DEAF1: variants seen among roughly 807,000 people sequenced by gnomAD.
The protein encoded by DEAF1 is DEAF1 transcription factor.
A neutral mutation model predicts 58.9 loss-of-function variants in DEAF1; 53 were observed. The ratio of observed to expected loss-of-function variants is 0.90; its 90% CI spans 0.72 to 1.13. The LOEUF is 1.13. DEAF1 is among the 50% of genes most tolerant of loss of function. The pLI, the probability that DEAF1 is intolerant of heterozygous loss-of-function variation, is 0.00. For synonymous variants in DEAF1, 385 were observed against 340.4 expected, an observed-to-expected ratio of 1.13 and a Z score of -1.44; for missense variants, 685 against 791.4, an observed-to-expected ratio of 0.87 and a Z score of 1.61.
chr11:679,717 G>T lies in DEAF1; in HGVS notation c.1097C>A (p.Ala366Asp). Residue 366 changes from alanine to aspartate, a missense_variant, in exon 8 of 12, where the codon GCC (alanine) becomes GAC (aspartate). By Grantham distance (126) the Ala-to-Asp change is moderately radical. Coordinates refer to ENST00000382409, the MANE Select transcript of DEAF1 (RefSeq NM_021008.4). ...EATAVISESP[A>D]QGDVFAGATV... ...GGCCCCTGCGAAGACGTCGCCCTGG[G>T]CCGGACTCTCTGATATGACAGCAGT... The T allele has an allele frequency of 6.2e-7, 1 of 1,613,456 alleles. No individual in the cohort carries two copies. The highest frequency in any genetic ancestry group is 8.5e-7 in the Non-Finnish European group (1 of 1,180,052).
At chr11:676,867 T>C (rs1230566366) in intron 9 of DEAF1, among the ~76,000 whole-genome samples, 1 of 152,124 alleles carries the variant, frequency 6.6e-6, no homozygotes, top group Non-Finnish European at 1.5e-5. Flanking sequence ...GGTTCTGCAC[T>C]GGAACTAGAG....
intron 1 of DEAF1, among the ~76,000 whole-genome samples, chr11:692,802 G>A (rs1860889925): frequency 6.6e-6 from 1 of 151,552 alleles, no homozygotes; most frequent in Non-Finnish European, 1.5e-5. Context: ...GCGGTGAGCT[G>A]AGATCACACC....
At chr11:648,265 G>A (rs554711037) in intron 11 of DEAF1, among the ~76,000 whole-genome samples, 1 of 148,250 alleles carries the variant, frequency 6.7e-6, no homozygotes, top group Non-Finnish European at 1.5e-5. Flanking sequence ...CACGATCTCG[G>A]CTCACTGCAA....
intron 1 of DEAF1, 55 bp from the exon 2 acceptor site, chr11:691,653 G>C: frequency 1.3e-6 from 2 of 1,514,182 alleles, no homozygotes; most frequent in Admixed American, 1.8e-5. Flanking sequence ...TGGACAAAGC[G>C]AACAGCCTCG....
intron 2 of DEAF1, 57 bp downstream of exon 2, chr11:691,444 C>T (rs529419459): frequency 8.5e-6 from 13 of 1,535,386 alleles, no homozygotes; most frequent in East Asian, 4.5e-5. Flanking sequence ...TCGGGGAAGC[C>T]GGAGGCCCCC....
chr11:660,577 T>C (rs935647784), intron 10 of DEAF1, among the ~76,000 whole-genome samples: 1 of 152,246 alleles, frequency 6.6e-6, no homozygotes, highest in African/African-American at 2.4e-5. Flanking sequence ...GGGGGTGCTC[T>C]GAAGAGTTCC....
chr11:651,471 G>A (rs1203489594), intron 11 of DEAF1: 4 of 287,752 alleles, frequency 1.4e-5, no homozygotes, highest in African/African-American at 7.1e-5. Context: ...AAAGAAGGAT[G>A]TTTTATAATG....
chr11:703,476 C>T (rs911611762), intron 1 of DEAF1: 5 of 1,257,532 alleles, frequency 4.0e-6, no homozygotes, highest in Non-Finnish European at 5.0e-6. Context: ...CCCCATGGGC[C>T]CCCAGGGCCG....
In DEAF1 at chr11:680,936, A is replaced by T. The variant is rs1232070410; in HGVS notation, c.997+27T>A. On this transcript the variant is annotated intron_variant, in intron 7 of 11. Transcript: ENST00000382409. ...CAATGCACTCAGGTCCCCTCAGTAA[A>T]CTAGAGCTGTGTTTTCTCAAACTCA... 4 of 1,613,964 alleles carry T rather than the reference A, an allele frequency of 2.5e-6. No homozygotes were observed. The East Asian group carries it at 8.9e-5, about 36-fold the overall frequency.
At chr11:649,645 AG>A (rs1858670845) in intron 11 of DEAF1, among the ~76,000 whole-genome samples, 1 of 150,406 alleles carries the variant, frequency 6.6e-6, no homozygotes, top group Non-Finnish European at 1.5e-5. Flanking sequence ...CCTTAAACCC[AG>A]GAGGTGGAGG....
chr11:645,825 C>T (rs1858466866), intron 11 of DEAF1, among the ~76,000 whole-genome samples: 3 of 152,174 alleles, frequency 2.0e-5, no homozygotes, highest in African/African-American at 7.2e-5. Flanking sequence ...GCTGAGACGG[C>T]CTCGTCAGAC....
chr11:660,471 C>A (rs1859271514), intron 10 of DEAF1, among the ~76,000 whole-genome samples: 1 of 152,256 alleles, frequency 6.6e-6, no homozygotes, highest in African/African-American at 2.4e-5. Context: ...CGCCGCCTCA[C>A]CCCGTCCCGG....
chr11:648,016 G>A (rs1161060842), intron 11 of DEAF1, among the ~76,000 whole-genome samples: 12 of 84,956 alleles, frequency 1.4e-4, no homozygotes, highest in Admixed American at 2.6e-4. Context: ...TGACCCAGGC[G>A]GTGCTGGGAG....
intron 10 of DEAF1, among the ~76,000 whole-genome samples, chr11:673,132 G>A (rs962681043): frequency 6.6e-6 from 1 of 151,904 alleles, no homozygotes; most frequent in African/African-American, 2.4e-5. Flanking sequence ...CTGGGTGATG[G>A]AGCGAGACTC....
Position 688,543 on chromosome 11 carries a change from C to A in DEAF1, c.388-83G>T. On this transcript the variant is annotated intron_variant, in intron 2 of 11. Transcript: ENST00000382409. The surrounding 1 kb of genome is among the most constrained non-coding windows in gnomAD (Gnocchi z 4.3). ...TGAGCCCAGCTGGGCCGTCCTCCAG[C>A]AGGGCTCTCTGGCTGTTCTCACCAA... is the stretch of plus-strand genomic sequence containing the variant. The A allele has an allele frequency of 6.4e-7, 1 of 1,571,192 alleles. No homozygotes were observed. Among genetic ancestry groups the A allele is most frequent in the Non-Finnish European group, 8.7e-7 (1 of 1,148,528 alleles).
upstream of DEAF1, chr11:699,069 G>C: frequency 1.4e-6 from 1 of 721,336 alleles, no homozygotes; most frequent in Non-Finnish European, 2.4e-6. Context: ...AGTTCTGCTG[G>C]CTCCATCCCC....
chr11:654,940 G>C lies in DEAF1; in HGVS notation c.1504-889C>G, dbSNP rs143747268. Among the ~76,000 whole-genome samples, 148 of 151,432 alleles carry C rather than the reference G, an allele frequency of 9.8e-4. 3 individuals are homozygous for C. Among genetic ancestry groups the C allele is most frequent in the African/African-American group, 3.4e-3 (140 of 40,856 alleles). ...AATCCCAGCACTTTAGGAGGCTGAG[G>C]TGGGCGGATCACGAAGTTAGGAGAT... On this transcript the variant is annotated intron_variant, in intron 10 of 11. Transcript: ENST00000382409.
Position 701,520 on chromosome 11 carries a change from CCT to C in DEAF1, c.-438+5050_-438+5051del, listed in dbSNP as rs761688212. 2.6e-5 allele frequency among the ~76,000 whole-genome samples: 4 copies of C among 150,978 alleles called. No homozygotes were observed. The Admixed American group carries it at 2.7e-4, about 10-fold the overall frequency. On this transcript the variant is annotated intron_variant, in intron 1 of 11. Transcript: ENST00000683307. ...CCGCCTCCCGGGTTCACGCCAGTCT[CCT>C]GTCTCAGCCTCCCGAGTAACTGGGA...
chr11:665,241 AGAG>A (rs888039344), intron 10 of DEAF1, among the ~76,000 whole-genome samples: 3 of 142,278 alleles, frequency 2.1e-5, no homozygotes, highest in Non-Finnish European at 3.1e-5. Context: ...ATTCACACTG[AGAG>A]GAGGAGGACA....
Sources: allele counts gnomAD v4.1 joint callset (sites outside exome capture counted in the v4.1 genomes callset), GRCh38; gene constraint gnomAD v4.1.1; non-coding constraint Gnocchi (gnomAD v3.1); transcripts MANE v1.5; gene names NCBI Gene and HGNC (gene_info 2026-07-23, HGNC 2026-07-21).